The following MKRN1 variants were observed in gnomAD, a reference collection of about 807,000 sequenced individuals.
MKRN1 encodes the protein makorin ring finger protein 1.
MKRN1 carries 9 observed loss-of-function variants against 55.5 expected under a neutral mutation model. That is an observed-to-expected ratio of 0.16 (90% CI 0.10 to 0.28). MKRN1 has a LOEUF of 0.28. Among genes scored for constraint, MKRN1 ranks in the 10% least tolerant of loss-of-function variants. MKRN1 has a pLI of 1.00. For synonymous variants in MKRN1, 253 were observed against 235.9 expected (o/e 1.07, Z -0.66); for missense variants, 488 against 626.7 (o/e 0.78, Z 2.36).
At chr7:140,477,604 G>A (rs1020400247) in intron 1 of MKRN1, among the ~76,000 whole-genome samples, 1 of 152,132 alleles carries the variant, frequency 6.6e-6, no homozygotes, top group Non-Finnish European at 1.5e-5. Context: ...TTACAGGTGT[G>A]AGCCACTGTG....
At chr7:140,456,571 C>T in intron 5 of MKRN1, 81 bp downstream of exon 5, 1 of 1,553,532 alleles carries the variant, frequency 6.4e-7, no homozygotes, top group Middle Eastern at 1.7e-4. Context: ...AAATGCGGTC[C>T]ATCTGGTTGA....
intron 3 of MKRN1, 93 bp downstream of exon 3, chr7:140,459,614 T>C: frequency 1.6e-6 from 2 of 1,233,696 alleles, no homozygotes; most frequent in Non-Finnish European, 2.3e-6. Context: ...AAAAAAGGAA[T>C]AGAAGCAGAA....
In MKRN1 at chr7:140,471,956, G is replaced by C; in HGVS notation, c.241C>G (p.Leu81Val). ...EGDNCRYSHD[L>V]SDSPYSVVCK... Reference sequence around the variant, plus strand: ...ACTACACTATACGGACTGTCAGAGAGGTCATGCGAGTAGCGACAGTTGTCT... The same window carrying C: ...ACTACACTATACGGACTGTCAGAGACGTCATGCGAGTAGCGACAGTTGTCT... Residue 81 changes from leucine (L) to valine (V), a missense_variant, in exon 2 of 8, where the codon CTC becomes GTC. By Grantham distance (32) the Leu-to-Val change is conservative. Transcript: ENST00000255977. The C allele has an allele frequency of 6.2e-7, 1 of 1,614,136 alleles. No individual in the cohort carries two copies. Among genetic ancestry groups the C allele is most frequent in the Non-Finnish European group, 8.5e-7 (1 of 1,180,024 alleles).
At chr7:140,478,928 G>A (rs189350158) in intron 1 of MKRN1, 11,749 of 396,010 alleles carry the variant, frequency 0.03, 1,228 homozygotes, top group African/African-American at 0.22. Flanking sequence ...ATCGCGCACC[G>A]CCAGGCCTCC....
At chr7:140,471,334 A>C (rs1794917969) in intron 2 of MKRN1, among the ~76,000 whole-genome samples, 3 of 149,058 alleles carry the variant, frequency 2.0e-5, no homozygotes, top group Non-Finnish European at 4.5e-5. Flanking sequence ...AAGTGACCAC[A>C]CCACTGCACT....
rs1332552486 is a variant in MKRN1 at position 140,479,316 on chromosome 7, G to A, written c.29C>T (p.Thr10Ile). The A allele has an allele frequency of 3.8e-6, 5 of 1,318,424 alleles. No homozygotes were observed. Among genetic ancestry groups the A allele is most frequent in the African/African-American group, 1.5e-5 (1 of 64,930 alleles). The allele number at this position is 1,318,424 out of a possible 1,614,324, so 81.7% of individuals were successfully genotyped here. A position where few individuals can be genotyped will look rare whatever the true frequency, so the allele number is the denominator to read the frequency against. ...CGCTCCTGCTCCTGATGTTGTGGCT[G>A]TTGTTCCGGGAGTTGCAGCCTCCGC... MAEAATPGT[T>I]ATTSGAGAAA... Residue 10 changes from threonine to isoleucine, a missense_variant, in exon 1 of 8, where the codon ACA (threonine) becomes ATA (isoleucine). Thr to Ile is a moderately conservative substitution (Grantham distance 89). Coordinates refer to ENST00000255977, the MANE Select transcript of MKRN1 (RefSeq NM_013446.4).
At position 140,464,836 on chromosome 7, in the gene MKRN1, C is replaced by T. The variant is rs148578872; in HGVS notation, c.315-4900G>A. On this transcript the variant is annotated intron_variant, in intron 2 of 7. Transcript: ENST00000255977. ...ACAGGGTCTCACTCTGTCTCCCAGACTGGAGAGCAGTGGCACAATCACAAT... is the reference window on the plus strand; with the variant it reads ...ACAGGGTCTCACTCTGTCTCCCAGATTGGAGAGCAGTGGCACAATCACAAT... Among the ~76,000 whole-genome samples the T allele has an allele frequency of 3.3e-4, 51 of 152,246 alleles. No individual in the cohort carries two copies. In the East Asian group the frequency reaches 8.1e-3, roughly 24 times the overall value.
chr7:140,455,545 A>G lies in MKRN1; in HGVS notation c.1097+245T>C, dbSNP rs138819896. ...CGGATTCAGAATAAGGTAGAACCCC[A>G]CTCATGGGGCCTTACTTGTCAACAG... is the stretch of plus-strand genomic sequence containing the variant. On this transcript the variant is annotated intron_variant, in intron 6 of 7. Coordinates refer to ENST00000255977, the MANE Select transcript of MKRN1 (RefSeq NM_013446.4). The G allele has an allele frequency of 1.7e-4, 97 of 555,660 alleles. No homozygotes were observed. The East Asian group carries it at 2.6e-3, about 15-fold the overall frequency. The allele number at this position is 555,660 out of a possible 1,614,324, so 34.4% of individuals were successfully genotyped here. A position where few individuals can be genotyped will look rare whatever the true frequency, so the allele number is the denominator to read the frequency against.
At chr7:140,455,606 A>C (rs1463267645) in intron 6 of MKRN1, 184 bp downstream of exon 6, 4 of 587,044 alleles carry the variant, frequency 6.8e-6, no homozygotes, top group Non-Finnish European at 1.2e-5. Context: ...CTTGGCATGG[A>C]CCCCAAGGAC....
chr7:140,472,214 G>T, intron 1 of MKRN1: 1 of 610,208 alleles, frequency 1.6e-6, no homozygotes, highest in South Asian at 2.0e-5. Flanking sequence ...TGAGGTCAGG[G>T]GTCTAAGACC....
chr7:140,474,428 G>A (rs1005548635), intron 1 of MKRN1: 9 of 367,534 alleles, frequency 2.4e-5, no homozygotes, highest in African/African-American at 8.7e-5. Flanking sequence ...GCTTGAACTC[G>A]CAGTGGGTTG....
chr7:140,474,364 G>A, intron 1 of MKRN1: 1 of 249,626 alleles, frequency 4.0e-6, no homozygotes, highest in Non-Finnish European at 8.4e-6. Context: ...CAATTAGCCA[G>A]GCATGGTGGC....
intron 1 of MKRN1, chr7:140,473,667 A>T (rs1267270416): frequency 1.9e-5 from 3 of 154,798 alleles, no homozygotes; most frequent in African/African-American, 7.2e-5. Flanking sequence ...TTTTATCTCC[A>T]ACTATCTGTG....
At chr7:140,456,042 G>T in intron 5 of MKRN1, 142 bp from the exon 6 acceptor site, 2 of 962,104 alleles carry the variant, frequency 2.1e-6, no homozygotes, top group Non-Finnish European at 3.0e-6. Context: ...TCCACATACT[G>T]TCACACAACT....
intron 1 of MKRN1, chr7:140,478,649 T>C (rs1259194764): frequency 6.6e-6 from 1 of 152,180 alleles, no homozygotes; most frequent in East Asian, 1.9e-4. Flanking sequence ...TGAAAAGACG[T>C]TACAAACGGA....
chr7:140,469,879 C>G (rs560315047), intron 2 of MKRN1, among the ~76,000 whole-genome samples: 3 of 152,042 alleles, frequency 2.0e-5, no homozygotes, highest in Admixed American at 2.0e-4. Context: ...GAAACCCCAT[C>G]TCTACTAAAA....
intron 1 of MKRN1, chr7:140,472,390 G>A (rs543077713): frequency 2.1e-4 from 40 of 194,380 alleles, no homozygotes; most frequent in East Asian, 1.6e-3. Context: ...CCGAGATCGC[G>A]CCATTGCACT....
Position 140,454,607 on chromosome 7 carries a change from A to T in MKRN1, c.1359T>A (p.Ala453=), listed in dbSNP as rs778450018. 6.2e-7 allele frequency: 1 copy of T among 1,613,982 alleles called. No individual in the cohort carries two copies. The highest frequency in any genetic ancestry group is 1.1e-5 in the South Asian group (1 of 91,072). The change falls in exon 8 of 8, where the codon GCT becomes GCA. Residue 453 remains alanine (A), a synonymous_variant. Transcript: ENST00000255977. ...ELGEMLLMLL[A]AGGDDELTDS... is the part of the protein sequence containing the mutation. ...CTGTTAGTTCGTCGTCCCCACCTGC[A>T]GCCAAAAGCATAAGCAACATCTCGC...
chr7:140,459,893 T>C lies in MKRN1; in HGVS notation c.358A>G (p.Thr120Ala). Residue 120 changes from threonine to alanine, a missense_variant, in exon 3 of 8, where the codon ACA becomes GCA. By Grantham distance (58) the Thr-to-Ala change is moderately conservative (BLOSUM62 0). Transcript: ENST00000255977. The part of the protein sequence containing the change: ...KPLKQEEATA[T>A]ELTTKSSLAA... ...AGGGATGACTTTGTAGTTAGCTCTG[T>C]AGCAGTTGCTTCTTCCTGTTTCAAT... 2 of 1,613,996 alleles carry C rather than the reference T, an allele frequency of 1.2e-6. No homozygotes were observed. The highest frequency in any genetic ancestry group is 1.7e-6 in the Non-Finnish European group (2 of 1,179,860).
Sources: gnomAD v4.1 joint callset for allele counts (sites outside exome capture counted in the v4.1 genomes callset) on GRCh38, gnomAD v4.1.1 for gene constraint, MANE v1.5 for transcripts, NCBI Gene and HGNC (gene_info 2026-07-23, HGNC 2026-07-21) for gene names.